Variants in GSE1 observed in about 807,000 individuals in gnomAD.
GSE1 encodes Gse1 coiled-coil protein, also known as genetic suppressor element 1.
A neutral mutation model predicts 112.6 loss-of-function variants in GSE1; 32 were observed. That is an observed-to-expected ratio of 0.28 (90% CI 0.21 to 0.38). GSE1 has a LOEUF of 0.38. GSE1 is among the 10% of genes least tolerant of loss of function. The pLI, the probability that GSE1 is intolerant of heterozygous loss-of-function variation, is 1.00. For missense variants in GSE1, 2,348 were observed against 1,699.2 expected, an observed-to-expected ratio of 1.38 and a Z score of -6.71; for synonymous variants, 1,115 against 735.6, an observed-to-expected ratio of 1.52 and a Z score of -8.35.
intron 2 of GSE1, among the ~76,000 whole-genome samples, chr16:85,514,188 C>T (rs2051840230): frequency 1.3e-5 from 2 of 150,034 alleles, no homozygotes; most frequent in South Asian, 4.3e-4. Flanking sequence ...CTTCCCCCCT[C>T]CCCTCTCTTC....
intron 1 of GSE1, among the ~76,000 whole-genome samples, chr16:85,270,237 G>A (rs1330129617): frequency 3.4e-5 from 5 of 148,944 alleles, no homozygotes; most frequent in Non-Finnish European, 7.6e-5. Context: ...CAACTCTGCG[G>A]TCTCTGGGGA....
At chr16:85,511,111 A>G (rs1464351415) in intron 2 of GSE1, among the ~76,000 whole-genome samples, 1 of 152,232 alleles carries the variant, frequency 6.6e-6, no homozygotes, top group Non-Finnish European at 1.5e-5. Flanking sequence ...CTCAGTGAAC[A>G]TTAGACGGAT....
chr16:85,345,511 T>C (rs2046715978), intron 1 of GSE1, among the ~76,000 whole-genome samples: 1 of 152,240 alleles, frequency 6.6e-6, no homozygotes, highest in African/African-American at 2.4e-5. Context: ...GCTATCTCTG[T>C]GGCTAGTGTC....
chr16:85,185,315 C>G (rs1211063543), intron 1 of GSE1: 1 of 152,270 alleles, frequency 6.6e-6, no homozygotes, highest in Non-Finnish European at 1.5e-5. Context: ...CAGCTGCACA[C>G]AGGTTTTCTC....
chr16:85,471,611 G>T (rs1033311763), intron 2 of GSE1, among the ~76,000 whole-genome samples: 1 of 152,050 alleles, frequency 6.6e-6, no homozygotes, highest in Non-Finnish European at 1.5e-5. Flanking sequence ...ACAGGGTCTC[G>T]CTATGTTGCC....
intron 1 of GSE1, among the ~76,000 whole-genome samples, chr16:85,556,818 C>G (rs2045247904): frequency 6.9e-6 from 1 of 144,002 alleles, no homozygotes; most frequent in Admixed American, 6.8e-5. Context: ...GCGGTCTCGG[C>G]GCGAGCGTGG....
chr16:85,446,197 C>T (rs185045089), intron 2 of GSE1, among the ~76,000 whole-genome samples: 66 of 152,298 alleles, frequency 4.3e-4, no homozygotes, highest in African/African-American at 1.4e-3. Context: ...GCCTGTTCCC[C>T]GGAGGACCTG....
At chr16:85,540,876 C>G (rs112667903) in intron 2 of GSE1, among the ~76,000 whole-genome samples, 2 of 152,148 alleles carry the variant, frequency 1.3e-5, no homozygotes, top group Non-Finnish European at 2.9e-5. Context: ...CACTGCACTC[C>G]GGCCTGAGCA....
intron 1 of GSE1, among the ~76,000 whole-genome samples, chr16:85,318,422 C>G (rs1238604547): frequency 1.3e-5 from 2 of 152,118 alleles, no homozygotes; most frequent in Non-Finnish European, 2.9e-5. Context: ...CACCACTATG[C>G]CTGGCTAATT....
chr16:85,320,374 G>A (rs531468650), intron 1 of GSE1, among the ~76,000 whole-genome samples: 5 of 152,352 alleles, frequency 3.3e-5, no homozygotes, highest in African/African-American at 9.6e-5. Context: ...CAGACGCCCA[G>A]TTTTCACCTG....
In GSE1 at chr16:85,657,330, C is replaced by A. The variant is rs746510743; in HGVS notation, c.1366C>A (p.His456Asn). 3 of 1,606,264 alleles carry A rather than the reference C, an allele frequency of 1.9e-6. No individual in the cohort carries two copies. Among genetic ancestry groups the A allele is most frequent in the East Asian group, 2.3e-5 (1 of 44,428 alleles). The change falls in exon 8 of 16, where the codon CAT (histidine) becomes AAT (asparagine). Residue 456 changes from histidine (H) to asparagine (N), a missense_variant. Physicochemically the swap from His to Asn is moderately conservative, Grantham distance 68 (BLOSUM62 1). Coordinates refer to ENST00000253458, the MANE Select transcript of GSE1 (RefSeq NM_014615.5). ...QAPKPVQHPL[H>N]PVPTPHHTVP... ...GCCCAAGCCCGTCCAACACCCCTTG[C>A]ATCCGGTGCCCACCCCACACCACAC...
intron 2 of GSE1, among the ~76,000 whole-genome samples, chr16:85,503,821 C>T (rs979822637): frequency 1.3e-5 from 2 of 152,226 alleles, no homozygotes; most frequent in East Asian, 1.9e-4. Context: ...TGATACAAGA[C>T]TATCATCACC....
chr16:85,440,010 C>T (rs2049339796), intron 2 of GSE1, among the ~76,000 whole-genome samples: 2 of 152,236 alleles, frequency 1.3e-5, no homozygotes, highest in Admixed American at 6.5e-5. Context: ...ATGCACAGTA[C>T]ACAGACTGCA....
intron 2 of GSE1, among the ~76,000 whole-genome samples, chr16:85,546,233 C>T (rs570365632): frequency 3.3e-3 from 499 of 152,230 alleles, no homozygotes; most frequent in Non-Finnish European, 5.7e-3. Context: ...TACAGACGTG[C>T]GCCACTGTGC....
chr16:85,669,830 T>C (rs1193754646), intron 14 of GSE1, among the ~76,000 whole-genome samples: 1 of 152,228 alleles, frequency 6.6e-6, no homozygotes, highest in Non-Finnish European at 1.5e-5. Context: ...GTCCTGGCAA[T>C]GTGTGGGGTG....
At chr16:85,404,129 GC>G (rs1196026480) in intron 2 of GSE1, among the ~76,000 whole-genome samples, 1 of 102,958 alleles carries the variant, frequency 9.7e-6, no homozygotes, top group Non-Finnish European at 2.1e-5. Flanking sequence ...TACACTCAGG[GC>G]CCCCCTGGAT....
chr16:85,649,624 C>T (rs1211471968), intron 3 of GSE1, among the ~76,000 whole-genome samples: 1 of 146,110 alleles, frequency 6.8e-6, no homozygotes, highest in Non-Finnish European at 1.6e-5. Flanking sequence ...TGGGTACCTG[C>T]AGCTCTCCCG....
intron 2 of GSE1, among the ~76,000 whole-genome samples, chr16:85,364,928 C>T (rs2047157077): frequency 6.6e-6 from 1 of 152,234 alleles, no homozygotes; most frequent in Admixed American, 6.5e-5. Context: ...GCACTTCCCA[C>T]TTCTACATGC....
rs139903185 is a variant in GSE1 at position 85,330,349 on chromosome 16, C to T, written c.2284-27114C>T. On this transcript the variant is annotated intron_variant, in intron 1 of 2. Coordinates refer to the GSE1 transcript ENST00000637419. ...GGGGTGGGGGCCACCAGCCAAGGAA[C>T]GCAGGGGCCTGGAGAAGCTGGAAGA... is the stretch of plus-strand genomic sequence containing the variant. Among the ~76,000 whole-genome samples the T allele has an allele frequency of 2.8e-3, 424 of 152,304 alleles. 2 individuals carry two copies. Among genetic ancestry groups the T allele is most frequent in the African/African-American group, 9.9e-3 (413 of 41,554 alleles).
Sources: gnomAD v4.1 joint callset for allele counts (sites outside exome capture counted in the v4.1 genomes callset) on GRCh38, gnomAD v4.1.1 for gene constraint, MANE v1.5 for transcripts, NCBI Gene and HGNC (gene_info 2026-07-23, HGNC 2026-07-21) for gene names.